The following WDPCP variants were observed in gnomAD, a reference collection of about 807,000 sequenced individuals.
WDPCP encodes the protein WD repeat containing planar cell polarity effector.
WDPCP carries 71 observed loss-of-function variants against 93.1 expected under a neutral mutation model. The ratio of observed to expected loss-of-function variants is 0.76; its 90% CI spans 0.63 to 0.93. The LOEUF (loss-of-function observed/expected upper bound fraction) is 0.93, where lower values mean the gene tolerates loss of function less well. WDPCP is among the 40% of genes least tolerant of loss of function. WDPCP has a pLI of 0.00. For missense variants in WDPCP, 844 were observed against 887.4 expected, an observed-to-expected ratio of 0.95 and a Z score of 0.62; for synonymous variants, 315 against 315.0, an observed-to-expected ratio of 1.00 and a Z score of 0.00.
chr2:63,140,849 G>A (rs1347783190), intron 17 of WDPCP, among the ~76,000 whole-genome samples: 2 of 152,274 alleles, frequency 1.3e-5, no homozygotes, highest in East Asian at 3.9e-4. Flanking sequence ...CCAGTACTAT[G>A]TTGAACAGGA....
At chr2:63,707,494 T>TCCA (rs1446129691) in intron 2 of WDPCP, among the ~76,000 whole-genome samples, 70 of 152,356 alleles carry the variant, frequency 4.6e-4, no homozygotes, top group African/African-American at 1.6e-3. Context: ...CCTTAAGTAC[T>TCCA]TCTCTGCATT....
chr2:63,544,210 G>GC (rs1704966553), intron 1 of WDPCP, among the ~76,000 whole-genome samples: 1 of 151,626 alleles, frequency 6.6e-6, no homozygotes, highest in Non-Finnish European at 1.5e-5. Context: ...TTGCACAACT[G>GC]CACCACCTAG....
intron 2 of WDPCP, among the ~76,000 whole-genome samples, chr2:63,786,825 G>A (rs1046097772): frequency 4.0e-4 from 61 of 152,208 alleles, no homozygotes; most frequent in African/African-American, 1.4e-3. Context: ...GAACAAATGT[G>A]AGCACACAGA....
At chr2:63,174,051 T>C (rs1201273517) in intron 15 of WDPCP, among the ~76,000 whole-genome samples, 1 of 152,212 alleles carries the variant, frequency 6.6e-6, no homozygotes, top group Non-Finnish European at 1.5e-5. Context: ...GATTGAGTAG[T>C]TGCAAAAGTT....
rs371546662 is a variant in WDPCP at position 63,200,595 on chromosome 2, G to A, written c.1916-25763C>T. On this transcript the variant is annotated intron_variant, in intron 14 of 17. Coordinates refer to ENST00000272321, the MANE Select transcript of WDPCP (RefSeq NM_015910.7). ...AGGCACAGAAAGACAAACTTATCAT[G>A]TTCACTTATTTATGAGAGCTAAAAA... Among the ~76,000 whole-genome samples the A allele has an allele frequency of 3.0e-4, 45 of 152,300 alleles. No homozygotes were observed. In the East Asian group the frequency reaches 4.4e-3, roughly 15 times the overall value.
intron 12 of WDPCP, among the ~76,000 whole-genome samples, chr2:63,323,444 C>T (rs1687279482): frequency 6.6e-6 from 1 of 152,154 alleles, no homozygotes; most frequent in Non-Finnish European, 1.5e-5. Flanking sequence ...TTTAGGATCC[C>T]TCCTCAGACT....
At position 63,575,439 on chromosome 2, in the gene WDPCP, GTGTATA is replaced by G. The variant is rs1707933775; in HGVS notation, c.75+12752_75+12757del. On this transcript the variant is annotated intron_variant, in intron 1 of 17. Coordinates refer to ENST00000272321, the MANE Select transcript of WDPCP (RefSeq NM_015910.7). The stretch of plus-strand genomic sequence containing the variant: ...ATACACTGTATACAGTGTATATACA[GTGTATA>G]CACTGTATATACAGTATATATGCAG... 4.3e-5 allele frequency among the ~76,000 whole-genome samples: 4 copies of G among 91,994 alleles called. 2 individuals carry two copies. Among genetic ancestry groups the G allele is most frequent in the African/African-American group, 2.3e-4 (4 of 17,762 alleles). The allele number at this position is 91,994 out of a possible 152,430, so 60.4% of individuals were successfully genotyped here. A position where few individuals can be genotyped will look rare whatever the true frequency, so the allele number is the denominator to read the frequency against.
the WDPCP span, among the ~76,000 whole-genome samples, chr2:63,833,891 T>C: frequency 5.9e-5 from 9 of 152,166 alleles, no homozygotes; most frequent in Non-Finnish European, 8.8e-5. Flanking sequence ...ATATACACCT[T>C]GCTTGGCCTC....
At chr2:63,261,882 T>C (rs1681663013) in intron 13 of WDPCP, among the ~76,000 whole-genome samples, 1 of 152,156 alleles carries the variant, frequency 6.6e-6, no homozygotes, top group Non-Finnish European at 1.5e-5. Flanking sequence ...CCTAAGGAAA[T>C]GATGGGACAG....
At chr2:63,140,626 T>C (rs531431746) in intron 17 of WDPCP, among the ~76,000 whole-genome samples, 53 of 152,158 alleles carry the variant, frequency 3.5e-4, no homozygotes, top group Non-Finnish European at 6.8e-4. Context: ...GTTGCTGTTG[T>C]TGTATAGAAG....
At chr2:63,667,700 C>T (rs2592387) in intron 2 of WDPCP, among the ~76,000 whole-genome samples, 120,118 of 152,020 alleles carry the variant, frequency 0.79, 47,969 homozygotes, top group East Asian at 0.98. Flanking sequence ...TGCAGAGGAA[C>T]AGGGAATATA....
At chr2:63,517,148 G>A (rs33977056) in intron 1 of WDPCP, among the ~76,000 whole-genome samples, 29,285 of 151,784 alleles carry the variant, frequency 0.19, 3,015 homozygotes, top group Middle Eastern at 0.28. Context: ...ATCTTGCCTA[G>A]AGCACTTCAA....
chr2:63,612,387 T>A (rs1000583086), intron 3 of WDPCP, among the ~76,000 whole-genome samples: 2 of 152,198 alleles, frequency 1.3e-5, no homozygotes, highest in African/African-American at 2.4e-5. Flanking sequence ...AATATGCCAC[T>A]TTAGCATAAG....
At chr2:63,474,768 T>A (rs925047992) in intron 6 of WDPCP, among the ~76,000 whole-genome samples, 3 of 152,140 alleles carry the variant, frequency 2.0e-5, no homozygotes, top group Non-Finnish European at 4.4e-5. Context: ...AAAAAGAATA[T>A]ATGTAATGTA....
intron 3 of WDPCP, among the ~76,000 whole-genome samples, chr2:63,627,947 A>G (rs1709826855): frequency 6.6e-6 from 1 of 152,198 alleles, no homozygotes; most frequent in Non-Finnish European, 1.5e-5. Context: ...GAGCTGTTTA[A>G]CACTTGAGCC....
intron 12 of WDPCP, among the ~76,000 whole-genome samples, chr2:63,320,618 T>C (rs144347478): frequency 5.6e-4 from 85 of 152,240 alleles, no homozygotes; most frequent in Admixed American, 1.7e-3. Flanking sequence ...TACATTTTAA[T>C]TCTAAGTGGA....
intron 2 of WDPCP, among the ~76,000 whole-genome samples, chr2:63,742,467 C>G (rs1439810044): frequency 6.6e-6 from 1 of 151,398 alleles, no homozygotes; most frequent in Non-Finnish European, 1.5e-5. Context: ...CAGAATAGGT[C>G]CCAGGGATCA....
At chr2:63,660,860 T>A (rs182963031) in intron 2 of WDPCP, among the ~76,000 whole-genome samples, 1 of 152,360 alleles carries the variant, frequency 6.6e-6, no homozygotes, top group African/African-American at 2.4e-5. Flanking sequence ...AGAATTAAAG[T>A]ATAAATTATT....
intron 2 of WDPCP, among the ~76,000 whole-genome samples, chr2:63,490,827 C>A (rs1253621684): frequency 6.6e-6 from 1 of 152,104 alleles, no homozygotes; most frequent in African/African-American, 2.4e-5. Context: ...AGACTTCCAA[C>A]CATGGGGTCC....
Sources: gnomAD v4.1 joint callset for allele counts (sites outside exome capture counted in the v4.1 genomes callset) on GRCh38, gnomAD v4.1.1 for gene constraint, MANE v1.5 for transcripts, NCBI Gene and HGNC (gene_info 2026-07-23, HGNC 2026-07-21) for gene names.